The following THSD7B variants were observed in gnomAD, a reference collection of about 807,000 sequenced individuals.
THSD7B encodes thrombospondin type-1 domain-containing protein 7B.
In THSD7B, 138 loss-of-function variants were observed where a neutral mutation model predicts 213.6. The observed-to-expected ratio is 0.65, with a 90% CI of 0.56 to 0.74. THSD7B has a LOEUF of 0.74. Among genes scored for constraint, THSD7B ranks in the 30% least tolerant of loss-of-function variants. THSD7B has a pLI of 0.00. For missense variants in THSD7B, 1,931 were observed against 1,991.5 expected (o/e 0.97, Z 0.58); for synonymous variants, 742 against 687.0 (o/e 1.08, Z -1.25).
chr2:137,089,608 A>T (rs1672405171), intron 3 of THSD7B, among the ~76,000 whole-genome samples: 1 of 152,012 alleles, frequency 6.6e-6, no homozygotes, highest in South Asian at 2.1e-4. Flanking sequence ...GAGCTAAGTT[A>T]TGAGGATGCA....
chr2:137,548,180 C>T (rs1030870509), intron 15 of THSD7B, among the ~76,000 whole-genome samples: 3 of 151,992 alleles, frequency 2.0e-5, no homozygotes, highest in African/African-American at 7.2e-5. Context: ...ATCGAGGGCA[C>T]TTGGGAGGCT....
chr2:137,609,361 G>A (rs891544494), intron 17 of THSD7B, among the ~76,000 whole-genome samples: 2 of 152,190 alleles, frequency 1.3e-5, no homozygotes, highest in Non-Finnish European at 2.9e-5. Context: ...ATATTTTTAC[G>A]TAGCATGATC....
At chr2:137,269,301 GT>G (rs1682679659) in intron 10 of THSD7B, among the ~76,000 whole-genome samples, 1 of 152,146 alleles carries the variant, frequency 6.6e-6, no homozygotes, top group Non-Finnish European at 1.5e-5. Flanking sequence ...CAATGCAACT[GT>G]TTTTCTCAAA....
chr2:137,585,319 G>GT (rs1225259222), intron 17 of THSD7B, among the ~76,000 whole-genome samples: 14 of 151,862 alleles, frequency 9.2e-5, no homozygotes, highest in African/African-American at 3.4e-4. Flanking sequence ...TTTTTGAAAG[G>GT]TTTTTTTGTC....
chr2:137,142,004 C>T (rs1202664028), intron 5 of THSD7B, among the ~76,000 whole-genome samples: 4 of 152,016 alleles, frequency 2.6e-5, no homozygotes, highest in African/African-American at 7.2e-5. Context: ...ATATGACACT[C>T]GATACTTTGA....
intron 2 of THSD7B, among the ~76,000 whole-genome samples, chr2:137,006,832 C>A (rs894991864): frequency 2.0e-5 from 3 of 152,098 alleles, no homozygotes; most frequent in African/African-American, 7.2e-5. Context: ...TTTTCTGTAG[C>A]CATACAGTTT....
chr2:137,281,645 C>T (rs1173774036), intron 12 of THSD7B, among the ~76,000 whole-genome samples: 3 of 145,926 alleles, frequency 2.1e-5, no homozygotes, highest in Non-Finnish European at 4.5e-5. Context: ...TGAGTGAGAA[C>T]ATGCAGTGTT....
intron 1 of THSD7B, among the ~76,000 whole-genome samples, chr2:136,799,178 C>T (rs558827339): frequency 1.8e-4 from 27 of 151,982 alleles, no homozygotes; most frequent in Non-Finnish European, 3.2e-4. Context: ...ATTTATTTCA[C>T]ATAGCAAAAA....
chr2:137,590,790 T>C (rs901846737), intron 17 of THSD7B, among the ~76,000 whole-genome samples: 59 of 145,790 alleles, frequency 4.0e-4, no homozygotes, highest in African/African-American at 1.4e-3. Flanking sequence ...TGCTTTGAAA[T>C]AGTTTTTTTT....
At chr2:137,361,567 C>T (rs1901802) in intron 12 of THSD7B, among the ~76,000 whole-genome samples, 85,024 of 151,946 alleles carry the variant, frequency 0.56, 26,843 homozygotes, top group East Asian at 0.77. Context: ...AACCGTGGCA[C>T]GAGAACTACA....
chr2:136,788,759 A>C (rs1243108031), intron 1 of THSD7B, among the ~76,000 whole-genome samples: 1 of 152,168 alleles, frequency 6.6e-6, no homozygotes, highest in Non-Finnish European at 1.5e-5. Flanking sequence ...TAAGTAAGCC[A>C]AGTTATCAAC....
At chr2:136,900,001 G>A (rs772157309) in intron 2 of THSD7B, among the ~76,000 whole-genome samples, 2 of 152,242 alleles carry the variant, frequency 1.3e-5, no homozygotes, top group Middle Eastern at 3.4e-3. Context: ...CACTCCCTGT[G>A]CGATTAGTGG....
intron 5 of THSD7B, among the ~76,000 whole-genome samples, chr2:137,148,423 AT>A (rs1338176115): frequency 9.2e-5 from 14 of 152,162 alleles, no homozygotes; most frequent in African/African-American, 3.4e-4. Flanking sequence ...ATACCTGAAA[AT>A]GTGGAAGTGA....
rs770496388 is a variant in THSD7B, at chr2:137,170,800, C to A, written c.1585C>A (p.Pro529Thr). 1.9e-6 allele frequency: 3 copies of A among 1,613,708 alleles called. No homozygotes were observed. The highest frequency in any genetic ancestry group is 2.5e-6 in the Non-Finnish European group (3 of 1,179,754). ...ATCTACAGGGCCTGCAGGGCATTGC[C>A]CTCATTTGGTGGAGTCTGTTCCTTG... ...MESTGPAGHC[P>T]HLVESVPCED... Residue 529 changes from proline (P) to threonine (T), a missense_variant, in exon 7 of 28, where the codon CCT becomes ACT. By Grantham distance (38) the Pro-to-Thr change is conservative. Transcript: ENST00000409968.
chr2:136,814,691 C>T (rs1308961667), intron 1 of THSD7B, among the ~76,000 whole-genome samples: 1 of 152,138 alleles, frequency 6.6e-6, no homozygotes, highest in Non-Finnish European at 1.5e-5. Flanking sequence ...GTTTTATTGC[C>T]TTAGTATATA....
At chr2:137,108,013 A>G (rs1688287694) in intron 4 of THSD7B, among the ~76,000 whole-genome samples, 1 of 152,248 alleles carries the variant, frequency 6.6e-6, no homozygotes, top group South Asian at 2.1e-4. Context: ...AGACATTATC[A>G]TAAATTAGTC....
At chr2:136,824,107 G>T (rs970098784) in intron 1 of THSD7B, among the ~76,000 whole-genome samples, 2 of 152,056 alleles carry the variant, frequency 1.3e-5, no homozygotes, top group African/African-American at 4.8e-5. Context: ...GTATAAAAAA[G>T]AAACTTTTCC....
intron 10 of THSD7B, among the ~76,000 whole-genome samples, chr2:137,257,191 G>A (rs922738901): frequency 2.6e-5 from 4 of 152,138 alleles, no homozygotes; most frequent in African/African-American, 9.7e-5. Context: ...TTTGGAGGGG[G>A]CAAATATTGA....
At chr2:137,605,648 CTTTTTTTTTTTTTTTTTTTTTTTTTT>C (rs34604281) in intron 17 of THSD7B, among the ~76,000 whole-genome samples, 25 of 68,976 alleles carry the variant, frequency 3.6e-4, no homozygotes, top group Non-Finnish European at 2.7e-5. Context: ...GCACTTCGCA[CTTTTTTTTTTTTTTTTTTTTTTTTTT>C]TTTTTTTTTT....
Sources: allele counts gnomAD v4.1 joint callset (sites outside exome capture counted in the v4.1 genomes callset), GRCh38; gene constraint gnomAD v4.1.1; transcripts MANE v1.5; gene names NCBI Gene and HGNC (gene_info 2026-07-23, HGNC 2026-07-21).